The following COL14A1 variants were observed in gnomAD, a reference collection of about 807,000 sequenced individuals.
COL14A1 encodes the protein collagen alpha-1(XIV) chain.
A neutral mutation model predicts 230.3 loss-of-function variants in COL14A1; 136 were observed. The observed-to-expected ratio is 0.59, with a 90% CI of 0.51 to 0.68. The LOEUF (loss-of-function observed/expected upper bound fraction) is 0.68. Among genes scored for constraint, COL14A1 ranks in the 30% least tolerant of loss-of-function variants. The probability of loss-of-function intolerance (pLI) is 0.00; values close to 1 mark genes in which losing one functional copy is unlikely to be tolerated. For missense variants in COL14A1, 1,976 were observed against 2,215.8 expected (o/e 0.89, Z 2.17); for synonymous variants, 792 against 784.1 (o/e 1.01, Z -0.17).
At chr8:120,260,123 G>T (rs1193415586) in intron 23 of COL14A1, among the ~76,000 whole-genome samples, 1 of 151,842 alleles carries the variant, frequency 6.6e-6, no homozygotes, top group Non-Finnish European at 1.5e-5. Flanking sequence ...TAAAAATTCT[G>T]TTATAAAGTT....
chr8:120,161,602 T>C (rs1815670031), intron 3 of COL14A1, among the ~76,000 whole-genome samples: 1 of 152,208 alleles, frequency 6.6e-6, no homozygotes, highest in South Asian at 2.1e-4. Flanking sequence ...TGACTCACTT[T>C]AGAGAGGCTG....
chr8:120,168,722 T>C (rs991064057), intron 5 of COL14A1, among the ~76,000 whole-genome samples: 1 of 152,334 alleles, frequency 6.6e-6, no homozygotes, highest in African/African-American at 2.4e-5. Context: ...ATAAAATGCG[T>C]TGATATGTGT....
In COL14A1 at chr8:120,309,988, T is replaced by G. The variant is rs186283489; in HGVS notation, c.4402-21T>G. Reference sequence around the variant, plus strand: ...GTTTTGAGATTTGTCTTTGAGCTAATACTTAACATCTGTTTGCCAGGGTGG... The same window carrying G: ...GTTTTGAGATTTGTCTTTGAGCTAAGACTTAACATCTGTTTGCCAGGGTGG... On this transcript the variant is annotated intron_variant, in intron 36 of 47. Coordinates refer to ENST00000297848, the MANE Select transcript of COL14A1 (RefSeq NM_021110.4). 308 of 1,613,032 alleles carry G rather than the reference T, an allele frequency of 1.9e-4. 1 individual carries two copies. The African/African-American group carries it at 3.4e-3, about 18-fold the overall frequency.
intron 22 of COL14A1, among the ~76,000 whole-genome samples, chr8:120,252,127 T>G (rs150973584): frequency 0.011 from 1,678 of 152,338 alleles, 31 homozygotes; most frequent in African/African-American, 0.038. Context: ...AATCAAATTA[T>G]TTTTGAAGTA....
chr8:120,180,701 CTTTTTTTTTTT>C (rs34377563), intron 5 of COL14A1, among the ~76,000 whole-genome samples: 1 of 83,576 alleles, frequency 1.2e-5, no homozygotes, highest in African/African-American at 5.1e-5. Context: ...GGTAGGAAGC[CTTTTTTTTTTT>C]TTTTTTTTTT....
At chr8:120,283,572 T>C in intron 31 of COL14A1, 64 bp from the exon 32 acceptor site, 1 of 1,508,218 alleles carries the variant, frequency 6.6e-7, no homozygotes, top group South Asian at 1.3e-5. Context: ...ATTTGCTTTA[T>C]AATCAAAGGA....
chr8:120,361,544 C>T (rs1384115089), intron 45 of COL14A1, among the ~76,000 whole-genome samples: 1 of 152,206 alleles, frequency 6.6e-6, no homozygotes, highest in African/African-American at 2.4e-5. Flanking sequence ...TCTTAGTAGG[C>T]ATTCACACAA....
chr8:120,184,223 A>AGATT (rs1410977898), intron 5 of COL14A1, among the ~76,000 whole-genome samples: 4 of 104,262 alleles, frequency 3.8e-5, no homozygotes, highest in East Asian at 5.7e-4. Context: ...GGGGGGGAAG[A>AGATT]GATTTATTTA....
chr8:120,197,726 T>C (rs185552414), intron 6 of COL14A1, 85 bp from the exon 7 acceptor site: 2 of 1,478,626 alleles, frequency 1.4e-6, no homozygotes, highest in African/African-American at 2.8e-5. Flanking sequence ...AGATGAGGCC[T>C]TTCGTCATTC....
chr8:120,302,561 CT>C (rs1308168039), intron 36 of COL14A1, among the ~76,000 whole-genome samples: 1 of 151,844 alleles, frequency 6.6e-6, no homozygotes, highest in African/African-American at 2.4e-5. Flanking sequence ...GGTATGTTGT[CT>C]TTTTTCTGGG....
At chr8:120,251,964 T>C (rs1287712290) in intron 22 of COL14A1, among the ~76,000 whole-genome samples, 1 of 152,164 alleles carries the variant, frequency 6.6e-6, no homozygotes, top group Admixed American at 6.5e-5. Flanking sequence ...ATATTATTGT[T>C]GTTGTTTCAA....
At chr8:120,357,067 G>A (rs1295103757) in intron 45 of COL14A1, among the ~76,000 whole-genome samples, 1 of 152,152 alleles carries the variant, frequency 6.6e-6, no homozygotes, top group Non-Finnish European at 1.5e-5. Context: ...GTATTAGTGA[G>A]CTATTGCTGT....
intron 34 of COL14A1, among the ~76,000 whole-genome samples, 174 bp downstream of exon 34, chr8:120,289,940 C>G (rs1725314756): frequency 6.6e-6 from 1 of 152,084 alleles, no homozygotes; most frequent in South Asian, 2.1e-4. Flanking sequence ...AAATAATGGC[C>G]TCTTTAAATG....
At chr8:120,186,856 C>G (rs1244696976) in intron 5 of COL14A1, among the ~76,000 whole-genome samples, 9 of 152,108 alleles carry the variant, frequency 5.9e-5, no homozygotes, top group African/African-American at 1.9e-4. Context: ...GCTAAAAAGA[C>G]AAGTTACAAA....
At chr8:120,334,808 T>A (rs1821996123) in intron 42 of COL14A1, among the ~76,000 whole-genome samples, 1 of 152,210 alleles carries the variant, frequency 6.6e-6, no homozygotes. Context: ...GTCAAAGAAG[T>A]GGCCCTGACA....
chr8:120,315,929 C>T lies in COL14A1; in HGVS notation c.4606-15C>T, dbSNP rs954055816. On this transcript the variant is annotated splice_polypyrimidine_tract_variant and intron_variant, in intron 39 of 47. Coordinates refer to ENST00000297848, the MANE Select transcript of COL14A1 (RefSeq NM_021110.4). ...TCCTGTGAACCTGACTCTTTTTTGT[C>T]CCTGTTCTACACAGGGTATCCCAGG... The T allele has an allele frequency of 4.3e-6, 7 of 1,612,842 alleles. No individual in the cohort carries two copies. In the African/African-American group the frequency reaches 6.7e-5, roughly 15 times the overall value.
chr8:120,268,812 A>AT (rs1466155503), intron 25 of COL14A1, among the ~76,000 whole-genome samples: 1 of 151,686 alleles, frequency 6.6e-6, no homozygotes, highest in Non-Finnish European at 1.5e-5. Context: ...TTTTGAGTGT[A>AT]TTTTTTAATA....
At chr8:120,331,392 A>G (rs1033172567) in intron 40 of COL14A1, among the ~76,000 whole-genome samples, 8 of 152,230 alleles carry the variant, frequency 5.3e-5, no homozygotes, top group African/African-American at 1.9e-4. Context: ...CTCTTAAATT[A>G]ACTGCTTTGG....
At chr8:120,337,412 A>AAAAAG (rs1183308909) in intron 42 of COL14A1, among the ~76,000 whole-genome samples, 13 of 151,450 alleles carry the variant, frequency 8.6e-5, no homozygotes, top group African/African-American at 1.9e-4. Context: ...AAAAAAAAAA[A>AAAAAG]AAAAAAGAAA....
Sources: allele counts gnomAD v4.1 joint callset (sites outside exome capture counted in the v4.1 genomes callset), GRCh38; gene constraint gnomAD v4.1.1; transcripts MANE v1.5; gene names NCBI Gene and HGNC (gene_info 2026-07-23, HGNC 2026-07-21).